ATXN2L: variants seen among roughly 807,000 people sequenced by gnomAD.
The protein encoded by ATXN2L is ataxin-2-like protein.
A neutral mutation model predicts 120.7 loss-of-function variants in ATXN2L; 24 were observed. The observed-to-expected ratio is 0.20, with a 90% CI of 0.14 to 0.28. The LOEUF (loss-of-function observed/expected upper bound fraction) is 0.28. ATXN2L is among the 10% of genes least tolerant of loss of function. ATXN2L has a pLI of 1.00. For synonymous variants in ATXN2L, 653 were observed against 568.1 expected (o/e 1.15, Z -2.13); for missense variants, 1,312 against 1,432.3 (o/e 0.92, Z 1.36).
intron 10 of ATXN2L, 95 bp from the exon 11 acceptor site, chr16:28,832,110 T>C: frequency 7.4e-7 from 1 of 1,345,482 alleles, no homozygotes; most frequent in South Asian, 1.3e-5. Context: ...TCTGGTTGTA[T>C]AGTGTGTAAA....
At chr16:28,827,688 C>G (rs1271498401) in intron 6 of ATXN2L, among the ~76,000 whole-genome samples, 1 of 152,130 alleles carries the variant, frequency 6.6e-6, no homozygotes, top group East Asian at 1.9e-4. Flanking sequence ...CTGCTGTAAG[C>G]TGAGATTGTG....
At chr16:28,832,438 A>T in intron 11 of ATXN2L, 39 bp downstream of exon 11, 1 of 1,611,936 alleles carries the variant, frequency 6.2e-7, no homozygotes, top group Non-Finnish European at 8.5e-7. Flanking sequence ...ATGCATATTT[A>T]GTGTGATTTG....
At position 28,834,596 on chromosome 16, in the gene ATXN2L, T is replaced by C. The variant is rs1243812204; in HGVS notation, c.2336T>C (p.Val779Ala). ...GCCGCGGCTGCTGGCCCGCCTCTGG[T>C]GGCTGCCACGCCCTATTCTTCCTAC... Reference protein sequence around the residue: ...QAAAAAGPPLVAATPYSSYIP... With the variant: ...QAAAAAGPPLAAATPYSSYIP... The change falls in exon 18 of 22, where the codon GTG becomes GCG. Residue 779 changes from valine to alanine, a missense_variant. By Grantham distance (64) the Val-to-Ala change is moderately conservative (BLOSUM62 0). Transcript: ENST00000336783. 1 of 1,613,596 alleles carries C rather than the reference T, an allele frequency of 6.2e-7. No individual in the cohort carries two copies. The highest frequency in any genetic ancestry group is 8.5e-7 in the Non-Finnish European group (1 of 1,179,940).
In ATXN2L at chr16:28,832,187, C is replaced by T. The variant is rs1295206197; in HGVS notation, c.1322-18C>T. On this transcript the variant is annotated intron_variant, in intron 10 of 21. Coordinates refer to ENST00000336783, the MANE Select transcript of ATXN2L (RefSeq NM_007245.4). ...TTGACCAGCAGTAACCATCCTACAGCTCCCCCTTTTCTTCCAGTGGGCCGG... is the reference window on the plus strand; with the variant it reads ...TTGACCAGCAGTAACCATCCTACAGTTCCCCCTTTTCTTCCAGTGGGCCGG... The T allele has an allele frequency of 6.2e-7, 1 of 1,613,774 alleles. No individual in the cohort carries two copies. The highest frequency in any genetic ancestry group is 1.1e-5 in the South Asian group (1 of 91,062).
At position 28,833,271 on chromosome 16, in the gene ATXN2L, C is replaced by T. The variant is rs2055195551; in HGVS notation, c.1872C>T (p.Pro624=). Residue 624 remains proline (P), a synonymous_variant, in exon 14 of 22, where the codon CCC becomes CCT. Coordinates refer to ENST00000336783, the MANE Select transcript of ATXN2L (RefSeq NM_007245.4). Reference sequence around the variant, plus strand: ...GAGGCACTGAGGGGCCAGAGCAGCCCCCACCACCTTGTCCAAGCCAAACTG... The same window carrying T: ...GAGGCACTGAGGGGCCAGAGCAGCCTCCACCACCTTGTCCAAGCCAAACTG... ...PSGGTEGPEQ[P]PPPCPSQTGS... The T allele has an allele frequency of 3.1e-6, 5 of 1,614,212 alleles. No individual in the cohort carries two copies. The highest frequency in any genetic ancestry group is 4.2e-6 in the Non-Finnish European group (5 of 1,180,038).
At chr16:28,832,771 A>G (rs947296129) in intron 12 of ATXN2L, 46 bp from the exon 13 acceptor site, 2 of 1,597,394 alleles carry the variant, frequency 1.3e-6, no homozygotes, top group African/African-American at 1.3e-5. Flanking sequence ...GCCACCTTAG[A>G]GAAAGAATGT....
Position 28,823,510 on chromosome 16 carries a change from C to T in ATXN2L, c.251C>T (p.Pro84Leu). 3 of 1,381,626 alleles carry T rather than the reference C, an allele frequency of 2.2e-6. No homozygotes were observed. The highest frequency in any genetic ancestry group is 1.6e-5 in the South Asian group (1 of 62,324). 85.6% of individuals were successfully genotyped at this position (1,381,626 alleles called of 1,614,324 possible). A position where few individuals can be genotyped will look rare whatever the true frequency, so the allele number is the denominator to read the frequency against. ...ATCTTGGCGCCGCAGCCGCCGCCGCCGCAGCAACACCAGGAGAGGCCGGGG... is the reference window on the plus strand; with the variant it reads ...ATCTTGGCGCCGCAGCCGCCGCCGCTGCAGCAACACCAGGAGAGGCCGGGG... ...EGILAPQPPPPQQHQERPGAA... is the reference protein window; with the variant it reads ...EGILAPQPPPLQQHQERPGAA... The change falls in exon 1 of 22, where the codon CCG becomes CTG. Residue 84 changes from proline (P) to leucine (L), a missense_variant. By Grantham distance (98) the Pro-to-Leu change is moderately conservative. Transcript: ENST00000336783.
At chr16:28,825,057 T>TAAA (rs369989480) in intron 1 of ATXN2L, among the ~76,000 whole-genome samples, 1 of 137,648 alleles carries the variant, frequency 7.3e-6, no homozygotes, top group Non-Finnish European at 1.6e-5. Flanking sequence ...TACTAAAAAT[T>TAAA]AAAAAAAAAA....
At chr16:28,833,539 G>GT in intron 15 of ATXN2L, 31 bp downstream of exon 15, 1 of 1,610,142 alleles carries the variant, frequency 6.2e-7, no homozygotes, top group Non-Finnish European at 8.5e-7. Flanking sequence ...GTGGACTTTG[G>GT]TTTCTGTGGG....
rs2050193523 is a variant in ATXN2L at position 28,823,078 on chromosome 16, C to A, written c.-182C>A. On this transcript the variant is annotated 5_prime_UTR_variant, in exon 1 of 22. Coordinates refer to ENST00000336783, the MANE Select transcript of ATXN2L (RefSeq NM_007245.4). ...CGAGACCCCCTCCCCTTCCGCCTCG[C>A]GGCGCTTCCTCGCGCCGCGGTCTTC... is the stretch of plus-strand genomic sequence containing the variant. 4.0e-6 allele frequency: 1 copy of A among 252,420 alleles called. No homozygotes were observed. The highest frequency in any genetic ancestry group is 6.3e-5 in the East Asian group (1 of 15,890). 15.6% of individuals were successfully genotyped at this position (252,420 alleles called of 1,614,324 possible). A position where few individuals can be genotyped will look rare whatever the true frequency, so the allele number is the denominator to read the frequency against.
Position 28,835,146 on chromosome 16 carries a change from A to G in ATXN2L, c.2522A>G (p.Gln841Arg). The G allele has an allele frequency of 6.2e-7, 1 of 1,613,832 alleles. No individual in the cohort carries two copies. Among genetic ancestry groups the G allele is most frequent in the Non-Finnish European group, 8.5e-7 (1 of 1,179,878 alleles). ...PQAIVSSSTP[Q>R]YPSAEQPTPQ... is the part of the protein sequence containing the mutation. ...GCCATCGTGTCATCCTCTACCCCTCAGTACCCTTCTGCAGAGCAGCCTACC... is the reference window on the plus strand; with the variant it reads ...GCCATCGTGTCATCCTCTACCCCTCGGTACCCTTCTGCAGAGCAGCCTACC... Residue 841 changes from glutamine to arginine, a missense_variant, in exon 19 of 22, where the codon CAG (glutamine) becomes CGG (arginine). Coordinates refer to ENST00000336783, the MANE Select transcript of ATXN2L (RefSeq NM_007245.4).
Position 28,836,064 on chromosome 16 carries a change from G to A in ATXN2L, c.3027G>A (p.Gly1009=), listed in dbSNP as rs766601089. ...CCCAAGGCGCGGTGCCCCAGAGTGGGGTGCCTGCACTCTCAGCTTCCACAC... is the reference window on the plus strand; with the variant it reads ...CCCAAGGCGCGGTGCCCCAGAGTGGAGTGCCTGCACTCTCAGCTTCCACAC... ...GPPQGAVPQS[G]VPALSASTPS... is the part of the protein sequence containing the mutation. The change falls in exon 22 of 22, where the codon GGG becomes GGA. Residue 1009 remains glycine (G), a synonymous_variant. Coordinates refer to ENST00000336783, the MANE Select transcript of ATXN2L (RefSeq NM_007245.4). 1 of 1,608,946 alleles carries A rather than the reference G, an allele frequency of 6.2e-7. No individual in the cohort carries two copies. Among genetic ancestry groups the A allele is most frequent in the South Asian group, 1.1e-5 (1 of 90,942 alleles).
At chr16:28,834,731 C>T (rs760594083) in intron 18 of ATXN2L, 38 bp downstream of exon 18, 3 of 1,568,838 alleles carry the variant, frequency 1.9e-6, no homozygotes, top group Non-Finnish European at 2.6e-6. Context: ...GATCCAGGGC[C>T]CCTGCTAGGG....
In ATXN2L at chr16:28,834,338, C is replaced by G. The variant is rs778345864; in HGVS notation, c.2173-5C>G. On this transcript the variant is annotated splice_region_variant and splice_polypyrimidine_tract_variant and intron_variant, in intron 16 of 21. Coordinates refer to ENST00000336783, the MANE Select transcript of ATXN2L (RefSeq NM_007245.4). The stretch of plus-strand genomic sequence containing the variant: ...ATTCAGCCTCATCTGTGTCCTCATC[C>G]CCAGGCACCTCAGATGTATCCATAT... 1.9e-5 allele frequency: 30 copies of G among 1,613,714 alleles called. No homozygotes were observed. The African/African-American group carries it at 3.9e-4, about 21-fold the overall frequency.
At chr16:28,823,609 G>T in intron 1 of ATXN2L, 51 bp downstream of exon 1, 1 of 1,281,966 alleles carries the variant, frequency 7.8e-7, no homozygotes, top group Non-Finnish European at 9.9e-7. Flanking sequence ...CAGAGGCTGT[G>T]GCTCGGTTCC....
intron 6 of ATXN2L, among the ~76,000 whole-genome samples, chr16:28,827,375 C>CA (rs1240219278): frequency 4.6e-5 from 7 of 152,132 alleles, no homozygotes; most frequent in Non-Finnish European, 1.0e-4. Flanking sequence ...GTCGAGGCTA[C>CA]AGTGAGCTGT....
intron 6 of ATXN2L, among the ~76,000 whole-genome samples, chr16:28,828,513 G>A (rs1332258728): frequency 6.6e-6 from 1 of 151,730 alleles, no homozygotes; most frequent in Non-Finnish European, 1.5e-5. Context: ...TTGAACCCAA[G>A]GAGACGGAGG....
At chr16:28,830,544 G>A (rs2053997544) in intron 8 of ATXN2L, 71 bp from the exon 9 acceptor site, 1 of 1,439,582 alleles carries the variant, frequency 6.9e-7, no homozygotes, top group Non-Finnish European at 9.4e-7. Flanking sequence ...GACTTTAGAA[G>A]AAGAAATGGC....
intron 4 of ATXN2L, 59 bp downstream of exon 4, chr16:28,825,900 G>A (rs970378622): frequency 1.4e-6 from 2 of 1,476,746 alleles, no homozygotes; most frequent in Admixed American, 1.7e-5. Context: ...GAATGAAATA[G>A]GCTCATTGAA....
Sources: gnomAD v4.1 joint callset for allele counts (sites outside exome capture counted in the v4.1 genomes callset) on GRCh38, gnomAD v4.1.1 for gene constraint, MANE v1.5 for transcripts, NCBI Gene and HGNC (gene_info 2026-07-23, HGNC 2026-07-21) for gene names.